Variants in PHF24 observed in about 807,000 individuals in gnomAD.
PHF24 encodes the protein PHD finger protein 24, also known as Galpha inhibitory interacting protein.
In PHF24, 25 loss-of-function variants were observed where a neutral mutation model predicts 42.6. That is an observed-to-expected ratio of 0.59 (90% CI 0.43 to 0.82). The LOEUF (loss-of-function observed/expected upper bound fraction) is 0.82, where lower values mean the gene tolerates loss of function less well. Ranked by LOEUF, PHF24 falls within the 40% of genes least tolerant of loss-of-function variation. The pLI, the probability that PHF24 is intolerant of heterozygous loss-of-function variation, is 0.00. For missense variants in PHF24, 470 were observed against 538.1 expected, an observed-to-expected ratio of 0.87 and a Z score of 1.25; for synonymous variants, 185 against 204.8, an observed-to-expected ratio of 0.90 and a Z score of 0.83.
chr9:34,931,884 G>A, the PHF24 span, among the ~76,000 whole-genome samples: 1 of 152,180 alleles, frequency 6.6e-6, no homozygotes, highest in Non-Finnish European at 1.5e-5. Context: ...GGGAAAAGAG[G>A]GCAAGAGGCT....
At chr9:34,785,948 T>C in the PHF24 span, among the ~76,000 whole-genome samples, 1 of 152,188 alleles carries the variant, frequency 6.6e-6, no homozygotes, top group African/African-American at 2.4e-5. Flanking sequence ...CAGATCTGCA[T>C]AGCGTTACAA....
At chr9:34,957,151 T>C (rs1274073519), upstream of PHF24, among the ~76,000 whole-genome samples, 2 of 152,220 alleles carry the variant, frequency 1.3e-5, no homozygotes, top group African/African-American at 4.8e-5. Context: ...GATAGAAATA[T>C]ACCATACTTG....
the PHF24 span, chr9:34,918,152 C>G: frequency 1.3e-6 from 2 of 1,515,838 alleles, no homozygotes; most frequent in Non-Finnish European, 1.8e-6. Context: ...TATGCATTCC[C>G]TGGACTGTCG....
At chr9:34,699,589 T>G in the PHF24 span, among the ~76,000 whole-genome samples, 1 of 152,234 alleles carries the variant, frequency 6.6e-6, no homozygotes, top group Non-Finnish European at 1.5e-5. Context: ...AATCGTATAG[T>G]GCAAAGCTGG....
At chr9:34,874,121 T>G in the PHF24 span, among the ~76,000 whole-genome samples, 10 of 152,196 alleles carry the variant, frequency 6.6e-5, no homozygotes, top group Admixed American at 5.9e-4. Context: ...TTTCTAGATA[T>G]ACAATCATGT....
At chr9:34,837,536 G>A in the PHF24 span, 2 of 710,436 alleles carry the variant, frequency 2.8e-6, no homozygotes, top group African/African-American at 1.8e-5. Flanking sequence ...TTCAGTCTGG[G>A]GAACTGGAGT....
intron 1 of PHF24, among the ~76,000 whole-genome samples, chr9:34,959,840 T>G (rs1826527625): frequency 6.6e-6 from 1 of 152,092 alleles, no homozygotes; most frequent in Non-Finnish European, 1.5e-5. Flanking sequence ...TACCGAATAC[T>G]CGAAGGAGAG....
chr9:34,747,049 G>GT, the PHF24 span, among the ~76,000 whole-genome samples: 6 of 152,176 alleles, frequency 3.9e-5, no homozygotes, highest in Admixed American at 2.0e-4. Context: ...GAGTATAAAG[G>GT]TAAGTACAGA....
the PHF24 span, among the ~76,000 whole-genome samples, chr9:34,910,241 T>G: frequency 1.3e-3 from 201 of 152,356 alleles, 2 homozygotes; most frequent in East Asian, 0.019. Context: ...TGCCTCTTTT[T>G]TTTTGGCTCA....
chr9:34,967,230 C>T (rs1157444531), intron 1 of PHF24, among the ~76,000 whole-genome samples: 1 of 152,146 alleles, frequency 6.6e-6, no homozygotes, highest in Non-Finnish European at 1.5e-5. Context: ...CAGCACTTTC[C>T]TTATATCCTT....
rs1035712871 is a variant in PHF24, at chr9:34,975,133, C to G, written c.565-1019C>G. Among the ~76,000 whole-genome samples, 4 of 152,246 alleles carry G rather than the reference C, an allele frequency of 2.6e-5. No homozygotes were observed. The East Asian group carries it at 7.7e-4, about 29-fold the overall frequency. On this transcript the variant is annotated intron_variant, in intron 3 of 7. Coordinates refer to ENST00000242315, the Ensembl canonical transcript of PHF24. ...CCCACTTGAAAACCCTTTGGTGGCTCCCTTTTGCCCTCAGAATAAAGGCCT... is the reference window on the plus strand; with the variant it reads ...CCCACTTGAAAACCCTTTGGTGGCTGCCTTTTGCCCTCAGAATAAAGGCCT...
At chr9:34,874,579 C>A in the PHF24 span, among the ~76,000 whole-genome samples, 1 of 152,030 alleles carries the variant, frequency 6.6e-6, no homozygotes, top group African/African-American at 2.4e-5. Context: ...ATGAGTATAT[C>A]ACAAGTTATT....
At chr9:34,839,616 G>C in the PHF24 span, among the ~76,000 whole-genome samples, 1 of 152,116 alleles carries the variant, frequency 6.6e-6, no homozygotes, top group Non-Finnish European at 1.5e-5. Context: ...CGAAATCTTT[G>C]AACATTCATC....
the PHF24 span, among the ~76,000 whole-genome samples, chr9:34,857,071 G>A: frequency 6.6e-6 from 1 of 152,176 alleles, no homozygotes. Flanking sequence ...GCATTGTGAG[G>A]AACTCCTCCC....
At chr9:34,777,299 G>A in the PHF24 span, among the ~76,000 whole-genome samples, 1 of 152,170 alleles carries the variant, frequency 6.6e-6, no homozygotes, top group Admixed American at 6.5e-5. Context: ...TGGCAGTGGT[G>A]GGATGACTCT....
the PHF24 span, among the ~76,000 whole-genome samples, chr9:34,809,933 G>GGGGGCGCC: frequency 6.6e-6 from 1 of 151,036 alleles, no homozygotes; most frequent in Non-Finnish European, 1.5e-5. The surrounding 1 kb of genome is among the most constrained non-coding windows in gnomAD (Gnocchi z 4.1). Context: ...CTCGGGGCGC[G>GGGGGCGCC]GGGGCGCGGG....
At chr9:34,681,608 C>T in the PHF24 span, among the ~76,000 whole-genome samples, 7 of 152,312 alleles carry the variant, frequency 4.6e-5, no homozygotes, top group East Asian at 1.9e-4. Flanking sequence ...GTCAGGAGTT[C>T]GAGACCAGCT....
the PHF24 span, among the ~76,000 whole-genome samples, chr9:34,818,441 T>G: frequency 6.6e-6 from 1 of 152,210 alleles, no homozygotes; most frequent in African/African-American, 2.4e-5. Context: ...ATCATACTGT[T>G]TTTTCGTCTT....
chr9:34,834,984 G>A, the PHF24 span: 1 of 1,459,664 alleles, frequency 6.9e-7, no homozygotes, highest in African/African-American at 1.6e-5. Context: ...GACTCACTGT[G>A]CAGAGAAGGG....
Sources: gnomAD v4.1 joint callset for allele counts (sites outside exome capture counted in the v4.1 genomes callset) on GRCh38, gnomAD v4.1.1 for gene constraint, Gnocchi (gnomAD v3.1) non-coding constraint, MANE v1.5 for transcripts, NCBI Gene and HGNC (gene_info 2026-07-23, HGNC 2026-07-21) for gene names.